SCN10A: variants seen among roughly 807,000 people sequenced by gnomAD.
SCN10A encodes the protein sodium channel protein type 10 subunit alpha.
In SCN10A, 162 loss-of-function variants were observed where a neutral mutation model predicts 170.7. The observed-to-expected ratio is 0.95, with a 90% CI of 0.84 to 1.08. The LOEUF (loss-of-function observed/expected upper bound fraction) is 1.08. Among genes scored for constraint, SCN10A ranks in the 50% least tolerant of loss-of-function variants. SCN10A has a pLI of 0.00. For synonymous variants in SCN10A, 985 were observed against 904.6 expected (o/e 1.09, Z -1.59); for missense variants, 2,527 against 2,436.9 (o/e 1.04, Z -0.78).
intron 6 of SCN10A, among the ~76,000 whole-genome samples, chr3:38,761,815 A>AGTGT (rs10637333): frequency 0.15 from 21,299 of 140,716 alleles, 1,636 homozygotes; most frequent in African/African-American, 0.22. Context: ...ACTGTGTGTG[A>AGTGT]GTGTGTGTGT....
At chr3:38,717,496 A>G (rs971807395) in intron 21 of SCN10A, among the ~76,000 whole-genome samples, 15 of 152,262 alleles carry the variant, frequency 9.9e-5, no homozygotes, top group African/African-American at 3.6e-4. Context: ...TCATATGCAC[A>G]GAATTATCAC....
In SCN10A at chr3:38,697,831, T is replaced by G; in HGVS notation, c.5389A>C (p.Lys1797Gln). ...QMDLPLVPGD[K>Q]IHCLDILFAF... is the part of the protein sequence containing the mutation. Reference sequence around the variant, plus strand: ...AAAAGGATGTCCAAGCAGTGGATCTTATCTCCAGGGACCAAAGGCAGGTCC... The same window carrying G: ...AAAAGGATGTCCAAGCAGTGGATCTGATCTCCAGGGACCAAAGGCAGGTCC... Residue 1797 changes from lysine to glutamine, a missense_variant, in exon 28 of 28, where the codon AAG (lysine) becomes CAG (glutamine). By Grantham distance (53) the Lys-to-Gln change is moderately conservative. Coordinates refer to ENST00000449082, the MANE Select transcript of SCN10A (RefSeq NM_006514.4). 1 of 1,614,196 alleles carries G rather than the reference T, an allele frequency of 6.2e-7. No homozygotes were observed. Among genetic ancestry groups the G allele is most frequent in the South Asian group, 1.1e-5 (1 of 91,076 alleles).
intron 15 of SCN10A, among the ~76,000 whole-genome samples, chr3:38,737,297 G>C (rs1345763333): frequency 1.3e-5 from 2 of 151,770 alleles, no homozygotes; most frequent in East Asian, 1.9e-4. Flanking sequence ...ACTAACTGTG[G>C]GCCTGCCAGG....
intron 13 of SCN10A, among the ~76,000 whole-genome samples, chr3:38,748,049 TA>T (rs1290453512): frequency 1.1e-4 from 17 of 152,118 alleles, no homozygotes; most frequent in African/African-American, 4.1e-4. Context: ...TGCTTGTTGA[TA>T]AGAGAATAAA....
At chr3:38,801,536 G>A (rs995718320) in intron 1 of SCN10A, among the ~76,000 whole-genome samples, 13 of 152,186 alleles carry the variant, frequency 8.5e-5, no homozygotes, top group African/African-American at 2.9e-4. Context: ...GGTCTGGAAT[G>A]CTACTGATTG....
intron 15 of SCN10A, among the ~76,000 whole-genome samples, chr3:38,737,786 C>T (rs1020971802): frequency 3.7e-5 from 2 of 53,598 alleles, no homozygotes; most frequent in Non-Finnish European, 6.8e-5. Flanking sequence ...CTCTCCCTCC[C>T]TCCCTCCCTT....
At chr3:38,722,478 C>A in intron 19 of SCN10A, 66 bp from the exon 20 acceptor site, 6 of 1,544,096 alleles carry the variant, frequency 3.9e-6, no homozygotes, top group Non-Finnish European at 5.3e-6. Context: ...TCTGCTCCTG[C>A]TGCAGAGAAA....
intron 16 of SCN10A, 144 bp from the exon 17 acceptor site, chr3:38,727,196 T>A: frequency 1.4e-6 from 1 of 723,072 alleles, no homozygotes; most frequent in Non-Finnish European, 2.3e-6. Flanking sequence ...TTTGGGGGAA[T>A]GGACTTTCTG....
chr3:38,744,022 T>C (rs905751849), intron 13 of SCN10A, among the ~76,000 whole-genome samples: 1 of 152,054 alleles, frequency 6.6e-6, no homozygotes, highest in African/African-American at 2.4e-5. Context: ...TATCAGCCTA[T>C]GTGGGCAAAG....
chr3:38,777,070 G>T (rs2064084962), intron 4 of SCN10A, among the ~76,000 whole-genome samples: 1 of 152,000 alleles, frequency 6.6e-6, no homozygotes, highest in Non-Finnish European at 1.5e-5. Context: ...TCATAATAGT[G>T]AAACATTAGA....
At position 38,771,945 on chromosome 3, in the gene SCN10A, G is replaced by A. The variant is rs534180924; in HGVS notation, c.471-538C>T. ...GTATCTCTGAAAGCAAGGTTTGGGG[G>A]AGGGTGATAAGTAGGGCTGAAAGAA... On this transcript the variant is annotated intron_variant, in intron 4 of 27. Coordinates refer to ENST00000449082, the MANE Select transcript of SCN10A (RefSeq NM_006514.4). 1.0e-3 allele frequency among the ~76,000 whole-genome samples: 155 copies of A among 152,306 alleles called. No homozygotes were observed. The Middle Eastern group carries it at 0.017, about 17-fold the overall frequency.
At position 38,722,419 on chromosome 3, in the gene SCN10A, G is replaced by T. The variant is rs749328659; in HGVS notation, c.3353-7C>A. ...GGACAGTGGCGAATGCATCCTGTGGGGAGAGGTGACTGATGGTGGGTGATG... is the reference window on the plus strand; with the variant it reads ...GGACAGTGGCGAATGCATCCTGTGGTGAGAGGTGACTGATGGTGGGTGATG... On this transcript the variant is annotated splice_region_variant and splice_polypyrimidine_tract_variant and intron_variant, in intron 19 of 27. Transcript: ENST00000449082. 6.2e-7 allele frequency: 1 copy of T among 1,612,520 alleles called. No homozygotes were observed. Among genetic ancestry groups the T allele is most frequent in the Non-Finnish European group, 8.5e-7 (1 of 1,179,232 alleles).
chr3:38,786,050 C>T (rs548606038), intron 4 of SCN10A, among the ~76,000 whole-genome samples: 62 of 152,222 alleles, frequency 4.1e-4, no homozygotes, highest in African/African-American at 1.5e-3. Context: ...TTAGTTCAAC[C>T]ATTGTGGAAG....
rs1268286686 is a variant in SCN10A at position 38,707,350 on chromosome 3, G to A, written c.4315C>T (p.Gln1439Ter). 6.2e-7 allele frequency: 1 copy of A among 1,614,104 alleles called. No individual in the cohort carries two copies. Among genetic ancestry groups the A allele is most frequent in the Non-Finnish European group, 8.5e-7 (1 of 1,179,998 alleles). The change falls in exon 26 of 28, where the codon CAG (glutamine) becomes TAG (stop). Residue 1439 changes from glutamine (Q) to a stop codon, truncating the protein, a stop_gained. Transcript: ENST00000449082. LOFTEE classifies it high-confidence loss of function. ...TTCATGGCATTGTAGTATTTCTTCT[G>A]CTCCTCTGTCATGAAGATGTCCTGG... is the stretch of plus-strand genomic sequence containing the variant. The part of the protein sequence containing the change: ...GGQDIFMTEE[Q>*]KKYYNAMKKL...
intron 1 of SCN10A, among the ~76,000 whole-genome samples, chr3:38,796,294 T>C (rs1024241069): frequency 6.6e-6 from 1 of 152,132 alleles, no homozygotes; most frequent in Non-Finnish European, 1.5e-5. Context: ...CAATCAAACA[T>C]CTAGTGCTGT....
rs2063113977 is a variant in SCN10A at position 38,698,048 on chromosome 3, G to A, written c.5172C>T (p.Asn1724=). 2 of 1,614,154 alleles carry A rather than the reference G, an allele frequency of 1.2e-6. No individual in the cohort carries two copies. Among genetic ancestry groups the A allele is most frequent in the Non-Finnish European group, 1.7e-6 (2 of 1,180,034 alleles). The change falls in exon 28 of 28, where the codon AAC becomes AAT. Residue 1724 remains asparagine, a synonymous_variant. Coordinates refer to ENST00000449082, the MANE Select transcript of SCN10A (RefSeq NM_006514.4). The part of the protein sequence containing the change: ...VNMYIAVILE[N]FNVATEESTE... ...TGCTCTCCTCCGTGGCCACATTGAA[G>A]TTCTCCAGAATCACTGCAATGTACA...
At chr3:38,718,903 C>G in intron 20 of SCN10A, 77 bp from the exon 21 acceptor site, 1 of 1,387,818 alleles carries the variant, frequency 7.2e-7, no homozygotes, top group Non-Finnish European at 9.9e-7. Flanking sequence ...AGGGAAGGAC[C>G]CAGCCAGCCC....
chr3:38,723,760 G>C (rs527741146), intron 18 of SCN10A, among the ~76,000 whole-genome samples: 2 of 152,322 alleles, frequency 1.3e-5, no homozygotes, highest in East Asian at 3.9e-4. Context: ...GCAATGGCCC[G>C]AGACACCGTA....
In SCN10A at chr3:38,792,043, AG is replaced by A. The variant is rs1447125595; in HGVS notation, c.389+6del. ...ACACGTGGAAGAGGCAATCGTGCAAAGGATATGAGTGGACAGACACTTTGAT... is the reference window on the plus strand; with the variant it reads ...ACACGTGGAAGAGGCAATCGTGCAAAGATATGAGTGGACAGACACTTTGAT... On this transcript the variant is annotated splice_donor_region_variant and intron_variant, in intron 3 of 27. Transcript: ENST00000449082. 6.2e-7 allele frequency: 1 copy of A among 1,612,954 alleles called. No homozygotes were observed. The highest frequency in any genetic ancestry group is 8.5e-7 in the Non-Finnish European group (1 of 1,179,464).
Sources: allele counts gnomAD v4.1 joint callset (sites outside exome capture counted in the v4.1 genomes callset), GRCh38; gene constraint gnomAD v4.1.1; transcripts MANE v1.5; gene names NCBI Gene and HGNC (gene_info 2026-07-23, HGNC 2026-07-21).